The following LINGO2 variants were observed in gnomAD, a reference collection of about 807,000 sequenced individuals.
The protein encoded by LINGO2 is leucine rich repeat and Ig domain containing 2.
A neutral mutation model predicts 30.6 loss-of-function variants in LINGO2; 14 were observed. The ratio of observed to expected loss-of-function variants is 0.46; its 90% CI spans 0.30 to 0.72. The LOEUF is 0.72. Among genes scored for constraint, LINGO2 ranks in the 30% least tolerant of loss-of-function variants. The pLI is 0.07. For missense variants in LINGO2, 729 were observed against 751.7 expected (o/e 0.97, Z 0.35); for synonymous variants, 317 against 288.5 (o/e 1.10, Z -1.00).
the LINGO2 span, among the ~76,000 whole-genome samples, chr9:29,086,814 CA>C: frequency 1.2e-4 from 18 of 152,036 alleles, no homozygotes; most frequent in Admixed American, 1.0e-3. Flanking sequence ...TTTCATATAC[CA>C]CAGTTACTAC....
intron 4 of LINGO2, among the ~76,000 whole-genome samples, chr9:28,101,150 A>G (rs1826404784): frequency 6.6e-6 from 1 of 152,128 alleles, no homozygotes; most frequent in East Asian, 1.9e-4. Context: ...CTATGAGACA[A>G]AGAGAGAAGA....
intron 4 of LINGO2, among the ~76,000 whole-genome samples, chr9:28,038,854 AT>A (rs1824069355): frequency 6.6e-6 from 1 of 152,250 alleles, no homozygotes; most frequent in South Asian, 2.1e-4. Context: ...AACCACAGCA[AT>A]ATTTTTAAAA....
chr9:28,807,092 T>G, the LINGO2 span, among the ~76,000 whole-genome samples: 1 of 151,990 alleles, frequency 6.6e-6, no homozygotes, highest in Non-Finnish European at 1.5e-5. Context: ...TGGCGCAATT[T>G]CAGCTCACTG....
intron 4 of LINGO2, among the ~76,000 whole-genome samples, chr9:28,233,136 G>A (rs929987059): frequency 1.4e-5 from 2 of 145,868 alleles, no homozygotes; most frequent in African/African-American, 2.6e-5. Flanking sequence ...GTGTATGTGT[G>A]GTCTGTGTGT....
chr9:29,021,358 C>T, the LINGO2 span, among the ~76,000 whole-genome samples: 2 of 152,016 alleles, frequency 1.3e-5, no homozygotes, highest in Non-Finnish European at 1.5e-5. Context: ...GATTAATTGA[C>T]CTTGAAAAGC....
intron 4 of LINGO2, among the ~76,000 whole-genome samples, chr9:28,090,357 T>G (rs1431194033): frequency 6.6e-6 from 1 of 152,148 alleles, no homozygotes; most frequent in Admixed American, 6.6e-5. Context: ...TCAAAAAGCT[T>G]ATCCACCATG....
chr9:28,170,699 T>C (rs776756807), intron 4 of LINGO2, among the ~76,000 whole-genome samples: 1 of 152,222 alleles, frequency 6.6e-6, no homozygotes, highest in South Asian at 2.1e-4. Context: ...ATCCATTTCC[T>C]TGCTTTTTCC....
chr9:28,221,953 G>A (rs7847186), intron 4 of LINGO2, among the ~76,000 whole-genome samples: 129,946 of 152,144 alleles, frequency 0.85, 55,760 homozygotes, highest in Non-Finnish European at 0.9. Flanking sequence ...ATCCATTTTG[G>A]AAAACTAGCC....
chr9:29,197,404 A>T, the LINGO2 span, among the ~76,000 whole-genome samples: 3 of 152,050 alleles, frequency 2.0e-5, no homozygotes, highest in African/African-American at 7.2e-5. Context: ...TCTACTTCTG[A>T]TCATCAACTT....
At chr9:29,120,036 A>G in the LINGO2 span, among the ~76,000 whole-genome samples, 415 of 152,280 alleles carry the variant, frequency 2.7e-3, no homozygotes, top group African/African-American at 9.5e-3. Flanking sequence ...TGATTGAACC[A>G]GGTTGGAGTA....
At chr9:28,603,645 GA>G (rs1228381736) in intron 1 of LINGO2, among the ~76,000 whole-genome samples, 1 of 151,986 alleles carries the variant, frequency 6.6e-6, no homozygotes, top group African/African-American at 2.4e-5. Flanking sequence ...TCTCCTTTGG[GA>G]AAAATGAAAG....
chr9:29,066,199 G>A, the LINGO2 span, among the ~76,000 whole-genome samples: 1 of 151,798 alleles, frequency 6.6e-6, no homozygotes, highest in Non-Finnish European at 1.5e-5. Flanking sequence ...AATTGAATAG[G>A]ATCAGGAAAG....
At chr9:28,072,310 C>A (rs778661894) in intron 4 of LINGO2, among the ~76,000 whole-genome samples, 1 of 152,182 alleles carries the variant, frequency 6.6e-6, no homozygotes, top group Admixed American at 6.6e-5. Context: ...CACATTTCAA[C>A]CTTCTTTAGG....
the LINGO2 span, among the ~76,000 whole-genome samples, chr9:29,147,388 G>A: frequency 1.3e-4 from 19 of 151,878 alleles, 1 homozygote; most frequent in South Asian, 3.7e-3. Context: ...TTTAATTTAC[G>A]GTATATTTAT....
At chr9:28,719,062 A>T in the LINGO2 span, among the ~76,000 whole-genome samples, 2 of 151,974 alleles carry the variant, frequency 1.3e-5, no homozygotes, top group East Asian at 3.9e-4. Context: ...CATCGGATGG[A>T]AACTCCCAAA....
At chr9:28,364,814 T>A (rs574765026) in intron 3 of LINGO2, among the ~76,000 whole-genome samples, 1 of 152,358 alleles carries the variant, frequency 6.6e-6, no homozygotes, top group South Asian at 2.1e-4. Context: ...TTTCTTTGTT[T>A]AATCACTAAT....
intron 4 of LINGO2, among the ~76,000 whole-genome samples, chr9:28,161,129 A>C (rs889148903): frequency 1.3e-5 from 2 of 152,196 alleles, no homozygotes; most frequent in African/African-American, 4.8e-5. Flanking sequence ...CACATACTGC[A>C]TTTATAGGGT....
the LINGO2 span, among the ~76,000 whole-genome samples, chr9:29,099,162 A>G: frequency 6.6e-6 from 1 of 152,224 alleles, no homozygotes; most frequent in Non-Finnish European, 1.5e-5. Context: ...TAGTGCTGGG[A>G]AAACTAAATA....
intron 4 of LINGO2, among the ~76,000 whole-genome samples, chr9:28,287,026 C>T (rs1823535950): frequency 1.3e-5 from 2 of 152,106 alleles, no homozygotes; most frequent in South Asian, 4.1e-4. Flanking sequence ...CAGTCAGTTA[C>T]CAGACCTGAG....
Sources: gnomAD v4.1 joint callset for allele counts (sites outside exome capture counted in the v4.1 genomes callset) on GRCh38, gnomAD v4.1.1 for gene constraint, MANE v1.5 for transcripts, NCBI Gene and HGNC (gene_info 2026-07-23, HGNC 2026-07-21) for gene names.